The following DRC8 variants were observed in gnomAD, a reference collection of about 807,000 sequenced individuals.
DRC8 encodes dynein regulatory complex subunit 8.
At chr1:244,970,945 G>A in the DRC8 span, 34 of 175,450 alleles carry the variant, frequency 1.9e-4, no homozygotes, top group South Asian at 4.3e-3. Context: ...CACGCCCGTA[G>A]CTGTCCAGGC....
At chr1:245,061,792 A>G in the DRC8 span, among the ~76,000 whole-genome samples, 4 of 152,334 alleles carry the variant, frequency 2.6e-5, no homozygotes, top group East Asian at 7.7e-4. Context: ...ATTTAAATGT[A>G]TGTGTGTATA....
chr1:245,038,243 A>G, the DRC8 span, among the ~76,000 whole-genome samples: 12,098 of 152,182 alleles, frequency 0.079, 1,324 homozygotes, highest in African/African-American at 0.24. Context: ...GGCCGAGGCA[A>G]GCAGATCACG....
chr1:245,027,811 C>T, the DRC8 span, among the ~76,000 whole-genome samples: 1 of 149,614 alleles, frequency 6.7e-6, no homozygotes, highest in South Asian at 2.1e-4. Flanking sequence ...CACATTTTCT[C>T]ATTTTTTTCT....
At chr1:245,066,706 G>A in the DRC8 span, among the ~76,000 whole-genome samples, 1 of 152,148 alleles carries the variant, frequency 6.6e-6, no homozygotes, top group African/African-American at 2.4e-5. Flanking sequence ...AGGAGACTGA[G>A]ACCATCCTGG....
At chr1:245,007,352 G>GA in the DRC8 span, among the ~76,000 whole-genome samples, 1 of 152,020 alleles carries the variant, frequency 6.6e-6, no homozygotes, top group Admixed American at 6.6e-5. Context: ...ATTTTAGTAT[G>GA]AAAAAAATAC....
At chr1:245,104,798 T>C in the DRC8 span, among the ~76,000 whole-genome samples, 1 of 152,220 alleles carries the variant, frequency 6.6e-6, no homozygotes, top group Non-Finnish European at 1.5e-5. Context: ...CTAACAATAA[T>C]TCTGTAATGT....
At chr1:244,987,372 T>G in the DRC8 span, among the ~76,000 whole-genome samples, 11 of 152,060 alleles carry the variant, frequency 7.2e-5, no homozygotes, top group South Asian at 1.9e-3. Context: ...GGCTAATTTT[T>G]TTTTGTATTT....
chr1:245,090,670 T>C, the DRC8 span, among the ~76,000 whole-genome samples: 1,404 of 152,084 alleles, frequency 9.2e-3, 26 homozygotes, highest in African/African-American at 0.033. Flanking sequence ...AGAATGAAGC[T>C]TATTTCTGTT....
At chr1:245,104,792 C>T in the DRC8 span, among the ~76,000 whole-genome samples, 1 of 152,222 alleles carries the variant, frequency 6.6e-6, no homozygotes, top group Non-Finnish European at 1.5e-5. Flanking sequence ...AAAAAGCTAA[C>T]AATAATTCTG....
At chr1:245,097,694 G>A in the DRC8 span, among the ~76,000 whole-genome samples, 1 of 152,118 alleles carries the variant, frequency 6.6e-6, no homozygotes, top group Non-Finnish European at 1.5e-5. The surrounding 1 kb of genome is among the most constrained non-coding windows in gnomAD (Gnocchi z 5.0). Flanking sequence ...AGCAGGATAA[G>A]GGGTGAGAGT....
chr1:245,023,836 T>C, the DRC8 span, among the ~76,000 whole-genome samples: 8 of 152,176 alleles, frequency 5.3e-5, no homozygotes, highest in Non-Finnish European at 1.2e-4. Context: ...TTCTGCACTC[T>C]GCTTTTTTTA....
chr1:245,121,990 C>G, the DRC8 span: 12 of 388,452 alleles, frequency 3.1e-5, no homozygotes, highest in Admixed American at 2.6e-4. Flanking sequence ...CCTCCACCTC[C>G]CGGGTTCAAG....
the DRC8 span, among the ~76,000 whole-genome samples, chr1:245,029,897 A>G: frequency 1.7e-4 from 26 of 152,156 alleles, no homozygotes; most frequent in Admixed American, 4.6e-4. Flanking sequence ...TGCCCAGCCT[A>G]TTGTTCTTAT....
the DRC8 span, among the ~76,000 whole-genome samples, chr1:245,016,284 G>A: frequency 1.3e-5 from 2 of 152,106 alleles, no homozygotes; most frequent in Non-Finnish European, 2.9e-5. Context: ...CCTAGCCAAG[G>A]CCTCTTTACA....
the DRC8 span, among the ~76,000 whole-genome samples, chr1:245,071,577 G>A: frequency 5.6e-3 from 858 of 152,282 alleles, 11 homozygotes; most frequent in African/African-American, 0.019. Context: ...TCTAAAAGTG[G>A]TAAGTTCCTG....
the DRC8 span, chr1:245,030,695 G>A: frequency 1.3e-5 from 2 of 152,248 alleles, no homozygotes; most frequent in Non-Finnish European, 2.9e-5. Flanking sequence ...ATCCTGCTGT[G>A]TGTCTCCTAC....
the DRC8 span, among the ~76,000 whole-genome samples, chr1:245,061,841 C>T: frequency 6.6e-6 from 1 of 152,198 alleles, no homozygotes; most frequent in Non-Finnish European, 1.5e-5. Flanking sequence ...CACAGCAGCT[C>T]ACGCCTGCAA....
chr1:244,989,323 A>G, the DRC8 span, among the ~76,000 whole-genome samples: 1 of 152,200 alleles, frequency 6.6e-6, no homozygotes, highest in East Asian at 1.9e-4. Context: ...AGTCCCATCA[A>G]GGACACCAGG....
the DRC8 span, among the ~76,000 whole-genome samples, chr1:245,047,911 G>T: frequency 1.3e-5 from 2 of 150,730 alleles, no homozygotes; most frequent in Admixed American, 6.6e-5. Flanking sequence ...AGAGGCGGAG[G>T]TTGCAGTGAG....
Sources: allele counts gnomAD v4.1 joint callset (sites outside exome capture counted in the v4.1 genomes callset), GRCh38; gene constraint gnomAD v4.1.1; non-coding constraint Gnocchi (gnomAD v3.1); transcripts MANE v1.5; gene names NCBI Gene and HGNC (gene_info 2026-07-23, HGNC 2026-07-21).